Variants in ZC3H11A observed in about 807,000 individuals in gnomAD.
ZC3H11A encodes the protein zinc finger CCCH-type containing 11A.
ZC3H11A carries 22 observed loss-of-function variants against 90.8 expected under a neutral mutation model. The observed-to-expected ratio is 0.24, with a 90% CI of 0.17 to 0.35. The LOEUF is 0.35. Among genes scored for constraint, ZC3H11A ranks in the 10% least tolerant of loss-of-function variants. ZC3H11A has a pLI of 1.00. For synonymous variants in ZC3H11A, 294 were observed against 339.8 expected (o/e 0.87, Z 1.48); for missense variants, 701 against 964.9 (o/e 0.73, Z 3.62).
intron 1 of ZC3H11A, chr1:203,798,007 A>G (rs1484946366): frequency 6.5e-7 from 1 of 1,534,136 alleles, no homozygotes; most frequent in Non-Finnish European, 8.7e-7. Context: ...AGCAGGGGTA[A>G]ACCAGGTAGC....
At position 203,852,662 on chromosome 1, in the gene ZC3H11A, A is replaced by G. The variant is rs1164875926; in HGVS notation, c.*263A>G. 6.4e-6 allele frequency: 3 copies of G among 470,856 alleles called. No homozygotes were observed. Among genetic ancestry groups the G allele is most frequent in the Non-Finnish European group, 1.1e-5 (3 of 262,114 alleles). The allele number at this position is 470,856 out of a possible 1,614,324, so 29.2% of individuals were successfully genotyped here. A position where few individuals can be genotyped will look rare whatever the true frequency, so the allele number is the denominator to read the frequency against. On this transcript the variant is annotated 3_prime_UTR_variant, in exon 18 of 18. Coordinates refer to ENST00000367210, the MANE Select transcript of ZC3H11A (RefSeq NM_001376342.1). ...CTGTCATACCCTTCTCTCCACAAAA[A>G]AGAGACTGAGAGGGAGATCAAGTGA...
chr1:203,841,770 C>T (rs1322454475), intron 12 of ZC3H11A, among the ~76,000 whole-genome samples: 1 of 150,240 alleles, frequency 6.7e-6, no homozygotes, highest in Non-Finnish European at 1.5e-5. Context: ...GGGGCAGTGG[C>T]CGGGTGGAGG....
chr1:203,848,359 A>G lies in ZC3H11A; in HGVS notation c.1575A>G (p.Glu525=). The change falls in exon 14 of 18, where the codon GAA becomes GAG. Residue 525 remains glutamate (E), a synonymous_variant. Transcript: ENST00000367210. ...TGMKEEKNLQ[E]GNEVDSQSSI... is the part of the protein sequence containing the mutation. ...TGAAAGAAGAGAAGAACCTTCAGGA[A>G]GGAAATGAAGTTGATTCTCAGAGCA... 2 of 1,613,228 alleles carry G rather than the reference A, an allele frequency of 1.2e-6. No homozygotes were observed. Among genetic ancestry groups the G allele is most frequent in the Non-Finnish European group, 1.7e-6 (2 of 1,179,670 alleles).
chr1:203,824,069 G>A (rs1393211061), intron 4 of ZC3H11A, among the ~76,000 whole-genome samples: 7 of 152,048 alleles, frequency 4.6e-5, no homozygotes, highest in South Asian at 4.2e-4. Context: ...AGGAGTTTGA[G>A]ACCAGCTGGC....
intron 12 of ZC3H11A, among the ~76,000 whole-genome samples, chr1:203,843,035 C>A (rs1465389827): frequency 6.6e-6 from 1 of 151,724 alleles, no homozygotes; most frequent in East Asian, 1.9e-4. Flanking sequence ...TTTTATCCCC[C>A]ATCCTTATCT....
intron 2 of ZC3H11A, among the ~76,000 whole-genome samples, chr1:203,804,040 CTATT>C (rs1204129011): frequency 5.3e-5 from 8 of 151,948 alleles, no homozygotes; most frequent in African/African-American, 1.7e-4. Context: ...CTTTAATCCT[CTATT>C]TATTCATTAT....
chr1:203,796,930 G>A (rs1035694244), intron 1 of ZC3H11A: 1 of 153,620 alleles, frequency 6.5e-6, no homozygotes, highest in Non-Finnish European at 1.4e-5. Flanking sequence ...ACCAGTATGC[G>A]GAGTCTGTGT....
In ZC3H11A at chr1:203,852,260, C is replaced by T; in HGVS notation, c.2294C>T (p.Pro765Leu). The T allele has an allele frequency of 6.2e-7, 1 of 1,613,650 alleles. No homozygotes were observed. The highest frequency in any genetic ancestry group is 8.5e-7 in the Non-Finnish European group (1 of 1,179,820). ...RRLSSASTGK[P>L]PLSVEDDFEK... ...CTCAGCTCTGCCTCAACAGGAAAGC[C>T]CCCACTCTCTGTGGAGGATGATTTT... is the stretch of plus-strand genomic sequence containing the variant. Residue 765 changes from proline (P) to leucine (L), a missense_variant, in exon 18 of 18, where the codon CCC becomes CTC. Physicochemically the swap from Pro to Leu is moderately conservative, Grantham distance 98. This residue lies in a region of ZC3H11A where 91 missense variants were observed against 86.8 expected (regional missense o/e 1.05). Coordinates refer to ENST00000367210, the MANE Select transcript of ZC3H11A (RefSeq NM_001376342.1).
Position 203,840,339 on chromosome 1 carries a change from G to A in ZC3H11A, c.1007G>A (p.Gly336Asp), listed in dbSNP as rs970279569. 5 of 1,612,988 alleles carry A rather than the reference G, an allele frequency of 3.1e-6. 1 individual carries two copies. The highest frequency in any genetic ancestry group is 4.2e-6 in the Non-Finnish European group (5 of 1,179,330). ...TCCAAGTCTCTTAAGGAGCGATTAG[G>A]CATGTCAGCTGATCCAGATAATGAG... ...QVSKSLKERL[G>D]MSADPDNEDA... is the part of the protein sequence containing the mutation. Residue 336 changes from glycine to aspartate, a missense_variant, in exon 12 of 18, where the codon GGC becomes GAC. Physicochemically the swap from Gly to Asp is moderately conservative, Grantham distance 94. This residue lies in a region of ZC3H11A where 530 missense variants were observed against 696.2 expected (regional missense o/e 0.76). Transcript: ENST00000367210.
At chr1:203,846,413 A>G (rs189630184) in intron 12 of ZC3H11A, among the ~76,000 whole-genome samples, 189 of 152,198 alleles carry the variant, frequency 1.2e-3, no homozygotes, top group Non-Finnish European at 2.4e-3. Flanking sequence ...TTTTTCTTCT[A>G]TCTTGTCACC....
chr1:203,808,779 G>A (rs78922731), intron 2 of ZC3H11A, among the ~76,000 whole-genome samples: 1,839 of 152,052 alleles, frequency 0.012, 24 homozygotes, highest in Non-Finnish European at 0.02. Context: ...CTTCATCTTC[G>A]TCGTCGTCAT....
intron 4 of ZC3H11A, among the ~76,000 whole-genome samples, chr1:203,821,440 C>T (rs35306101): frequency 0.11 from 16,010 of 151,978 alleles, 1,122 homozygotes; most frequent in Non-Finnish European, 0.15. Context: ...TTTTATGCTC[C>T]GATTGACCCA....
intron 1 of ZC3H11A, chr1:203,796,648 A>G (rs1402414757): frequency 7.6e-6 from 3 of 392,978 alleles, no homozygotes; most frequent in Non-Finnish European, 1.3e-5. Context: ...CAATCGAAAA[A>G]TGGAAGTGGT....
At chr1:203,815,722 T>C (rs1270898352) in intron 2 of ZC3H11A, among the ~76,000 whole-genome samples, 2 of 152,218 alleles carry the variant, frequency 1.3e-5, no homozygotes, top group Non-Finnish European at 1.5e-5. Flanking sequence ...CATCATGGCA[T>C]ACCATTCTTG....
At chr1:203,815,212 T>TTTTC (rs1553261489) in intron 2 of ZC3H11A, among the ~76,000 whole-genome samples, 6 of 46,706 alleles carry the variant, frequency 1.3e-4, no homozygotes, top group African/African-American at 4.1e-4. Context: ...CTTCCTTTTC[T>TTTTC]TTTCTTTTTT....
At position 203,840,347 on chromosome 1, in the gene ZC3H11A, G is replaced by C; in HGVS notation, c.1015G>C (p.Ala339Pro). The C allele has an allele frequency of 1.2e-6, 2 of 1,613,298 alleles. No individual in the cohort carries two copies. The highest frequency in any genetic ancestry group is 1.1e-5 in the South Asian group (1 of 91,004). Residue 339 changes from alanine (A) to proline (P), a missense_variant, in exon 12 of 18, where the codon GCT (alanine) becomes CCT (proline). Ala to Pro is a conservative substitution (Grantham distance 27, BLOSUM62 -1). Around this residue, in one of 4 missense-constraint regions of ZC3H11A, gnomAD observed 530 missense variants for 696.2 expected, o/e 0.76. Transcript: ENST00000367210. ...KSLKERLGMS[A>P]DPDNEDATDK... ...TCTTAAGGAGCGATTAGGCATGTCAGCTGATCCAGATAATGAGGATGCAAC... is the reference window on the plus strand; with the variant it reads ...TCTTAAGGAGCGATTAGGCATGTCACCTGATCCAGATAATGAGGATGCAAC...
rs1281577751 is a variant in ZC3H11A, at chr1:203,818,313, ACTTG to A, written c.55-256_55-253del. Among the ~76,000 whole-genome samples the A allele has an allele frequency of 3.6e-3, 545 of 152,240 alleles. 4 individuals carry two copies. Among genetic ancestry groups the A allele is most frequent in the Non-Finnish European group, 6.5e-3 (441 of 67,984 alleles). Reference sequence around the variant, plus strand: ...TTTTTAAAGAGGACCTAACACTCCTACTTGTCTTTTTCAACTCTTTTTTTCAGCT... The same window carrying A: ...TTTTTAAAGAGGACCTAACACTCCTATCTTTTTCAACTCTTTTTTTCAGCT... On this transcript the variant is annotated intron_variant, in intron 3 of 17. Coordinates refer to ENST00000367210, the MANE Select transcript of ZC3H11A (RefSeq NM_001376342.1).
chr1:203,839,560 G>A (rs1303880519), intron 11 of ZC3H11A, among the ~76,000 whole-genome samples: 16 of 152,122 alleles, frequency 1.1e-4, no homozygotes, highest in Non-Finnish European at 2.4e-4. Context: ...AGACGTTCCT[G>A]TTTGGAGGTT....
chr1:203,843,022 A>T (rs1218114805), intron 12 of ZC3H11A, among the ~76,000 whole-genome samples: 4 of 151,654 alleles, frequency 2.6e-5, no homozygotes, highest in Admixed American at 2.6e-4. Context: ...ACCTTAGGTT[A>T]CTTTTTATCC....
Sources: allele counts gnomAD v4.1 joint callset (sites outside exome capture counted in the v4.1 genomes callset), GRCh38; gene constraint gnomAD v4.1.1; regional missense constraint gnomAD v4.1.1; transcripts MANE v1.5; gene names NCBI Gene and HGNC (gene_info 2026-07-23, HGNC 2026-07-21).